Variants in EPHA3 observed in about 807,000 individuals in gnomAD.
The protein encoded by EPHA3 is EPH receptor A3.
Under a neutral mutation model 107.1 loss-of-function variants are expected in EPHA3, and 42 were observed. The ratio of observed to expected loss-of-function variants is 0.39; its 90% confidence interval spans 0.31 to 0.51. EPHA3 has a LOEUF of 0.51. EPHA3 is among the 20% of genes least tolerant of loss of function. EPHA3 has a pLI of 0.78. For synonymous variants in EPHA3, 461 were observed against 424.8 expected (o/e 1.09, Z -1.05); for missense variants, 1,183 against 1,211.2 (o/e 0.98, Z 0.35).
intron 2 of EPHA3, among the ~76,000 whole-genome samples, chr3:89,163,247 A>G (rs887298566): frequency 3.9e-5 from 6 of 152,128 alleles, no homozygotes; most frequent in Non-Finnish European, 7.3e-5. Flanking sequence ...ATTTTAAGTA[A>G]AGGACTTAAG....
intron 2 of EPHA3, among the ~76,000 whole-genome samples, chr3:89,155,204 A>G (rs181304118): frequency 6.6e-6 from 1 of 152,056 alleles, no homozygotes. Flanking sequence ...TAAAATATGA[A>G]TAATGATCTT....
intron 2 of EPHA3, among the ~76,000 whole-genome samples, chr3:89,167,299 C>T (rs1193236683): frequency 6.6e-6 from 1 of 151,844 alleles, no homozygotes; most frequent in African/African-American, 2.4e-5. Flanking sequence ...ATATAAAATA[C>T]ATATACTTGG....
intron 13 of EPHA3, among the ~76,000 whole-genome samples, chr3:89,447,369 A>G (rs1337634489): frequency 6.6e-6 from 1 of 151,912 alleles, no homozygotes. Flanking sequence ...CATTTCCTCA[A>G]TTCTCTGCAC....
rs147362467 is a variant in EPHA3 at position 89,409,095 on chromosome 3, T to G, written c.1762+964T>G. Among the ~76,000 whole-genome samples, 1,074 of 152,160 alleles carry G rather than the reference T, an allele frequency of 7.1e-3. 6 individuals are homozygous for G. The highest frequency in any genetic ancestry group is 0.014 in the Middle Eastern group (4 of 294). ...CTTGAAAATAATGCCTTTCAAAATATAAATTGATATGAGAAGAAAGCAGTA... is the reference window on the plus strand; with the variant it reads ...CTTGAAAATAATGCCTTTCAAAATAGAAATTGATATGAGAAGAAAGCAGTA... On this transcript the variant is annotated intron_variant, in intron 9 of 16. Transcript: ENST00000336596.
chr3:89,392,377 G>T (rs1169634690), intron 5 of EPHA3, among the ~76,000 whole-genome samples: 3 of 151,868 alleles, frequency 2.0e-5, no homozygotes, highest in African/African-American at 7.3e-5. Context: ...AAGTGGAGGT[G>T]CAGTGAGCCG....
intron 3 of EPHA3, among the ~76,000 whole-genome samples, chr3:89,289,962 G>A (rs1576291936): frequency 6.6e-6 from 1 of 152,226 alleles, no homozygotes; most frequent in Non-Finnish European, 1.5e-5. Context: ...AGAAAGCACA[G>A]CCTCAGAGGT....
intron 16 of EPHA3, among the ~76,000 whole-genome samples, chr3:89,473,489 T>G (rs1710446512): frequency 1.3e-5 from 2 of 152,204 alleles, no homozygotes; most frequent in Admixed American, 6.5e-5. Flanking sequence ...AGTCACATTC[T>G]TCATCTCACT....
intron 3 of EPHA3, among the ~76,000 whole-genome samples, chr3:89,270,127 T>C (rs1270192866): frequency 1.3e-5 from 2 of 152,068 alleles, no homozygotes; most frequent in Non-Finnish European, 2.9e-5. Context: ...TTTTATTATT[T>C]ATAAGATTGA....
chr3:89,166,206 T>C (rs1433915654), intron 2 of EPHA3, among the ~76,000 whole-genome samples: 1 of 152,186 alleles, frequency 6.6e-6, no homozygotes, highest in Non-Finnish European at 1.5e-5. Flanking sequence ...CTTCATCTTC[T>C]CATTCTTCGT....
At chr3:89,209,144 C>G (rs1215634815) in intron 2 of EPHA3, among the ~76,000 whole-genome samples, 1 of 152,126 alleles carries the variant, frequency 6.6e-6, no homozygotes, top group African/African-American at 2.4e-5. Context: ...GCTATAACAA[C>G]AAAACCCCAA....
rs547023631 is a variant in EPHA3 at position 89,167,143 on chromosome 3, A to G, written c.153+39870A>G. Among the ~76,000 whole-genome samples the G allele has an allele frequency of 2.0e-4, 31 of 152,320 alleles. 1 individual carries two copies. The highest frequency in any genetic ancestry group is 7.5e-4 in the African/African-American group (31 of 41,584). On this transcript the variant is annotated intron_variant, in intron 2 of 16. Transcript: ENST00000336596. ...TAATTTGTTTTAATGGACAGATAGT[A>G]TTGTATATTTTTATCATGTACAACA...
chr3:89,279,271 A>G (rs1158434103), intron 3 of EPHA3, among the ~76,000 whole-genome samples: 1 of 152,136 alleles, frequency 6.6e-6, no homozygotes, highest in Non-Finnish European at 1.5e-5. Flanking sequence ...TGAGTTTGAA[A>G]GAAAGTCTTT....
At chr3:89,406,901 T>G (rs1461917525) in intron 7 of EPHA3, among the ~76,000 whole-genome samples, 1 of 152,182 alleles carries the variant, frequency 6.6e-6, no homozygotes, top group African/African-American at 2.4e-5. Context: ...TGCTGAGAAA[T>G]CTTCCTCTCT....
At chr3:89,431,593 C>T (rs766365199) in intron 13 of EPHA3, among the ~76,000 whole-genome samples, 1 of 151,996 alleles carries the variant, frequency 6.6e-6, no homozygotes, top group South Asian at 2.1e-4. Flanking sequence ...TGTTCCCCAC[C>T]AAAAGCAGCA....
intron 2 of EPHA3, among the ~76,000 whole-genome samples, chr3:89,131,795 T>C (rs1478045123): frequency 6.6e-6 from 1 of 152,224 alleles, no homozygotes; most frequent in Non-Finnish European, 1.5e-5. Flanking sequence ...ATTGATGTCT[T>C]AGCGGTGAAC....
intron 3 of EPHA3, among the ~76,000 whole-genome samples, chr3:89,325,111 G>A (rs563590266): frequency 7.9e-5 from 12 of 152,188 alleles, no homozygotes; most frequent in Admixed American, 1.3e-4. Context: ...TGGGCACCTC[G>A]GTTGATTCCA....
chr3:89,443,770 T>C (rs140831613), intron 13 of EPHA3, among the ~76,000 whole-genome samples: 219 of 152,204 alleles, frequency 1.4e-3, no homozygotes, highest in Non-Finnish European at 2.3e-3. Context: ...CCTCTGGACA[T>C]CCCAGATTAG....
At chr3:89,280,482 T>G (rs1040017) in intron 3 of EPHA3, among the ~76,000 whole-genome samples, 75,366 of 151,976 alleles carry the variant, frequency 0.5, 19,640 homozygotes, top group African/African-American at 0.65. Context: ...GAGCACTTGG[T>G]TTGTGACAAG....
intron 3 of EPHA3, among the ~76,000 whole-genome samples, chr3:89,321,920 C>A (rs1451036575): frequency 1.3e-5 from 2 of 152,018 alleles, no homozygotes; most frequent in African/African-American, 2.4e-5. Flanking sequence ...TGTTGTCTTC[C>A]ATTACTTTAA....
Sources: gnomAD v4.1 joint callset for allele counts (sites outside exome capture counted in the v4.1 genomes callset) on GRCh38, gnomAD v4.1.1 for gene constraint, MANE v1.5 for transcripts, NCBI Gene and HGNC (gene_info 2026-07-23, HGNC 2026-07-21) for gene names.